The following GPC6 variants were observed in gnomAD, a reference collection of about 807,000 sequenced individuals.
GPC6 encodes glypican 6.
Under a neutral mutation model 55.2 loss-of-function variants are expected in GPC6, and 14 were observed. The ratio of observed to expected loss-of-function variants is 0.25; its 90% CI spans 0.17 to 0.40. GPC6 has a LOEUF of 0.40. Ranked by LOEUF, GPC6 falls within the 10% of genes least tolerant of loss-of-function variation. GPC6 has a pLI of 1.00. For missense variants in GPC6, 641 were observed against 708.5 expected (o/e 0.90, Z 1.08); for synonymous variants, 278 against 259.6 (o/e 1.07, Z -0.68).
intron 1 of GPC6, among the ~76,000 whole-genome samples, chr13:93,529,184 C>CT (rs1175645831): frequency 6.6e-6 from 1 of 152,110 alleles, no homozygotes; most frequent in Non-Finnish European, 1.5e-5. Flanking sequence ...GTATTTTAAG[C>CT]TTGAACGCTG....
At position 93,816,436 on chromosome 13, in the gene GPC6, G is replaced by T. The variant is rs190562908; in HGVS notation, c.320-13718G>T. The stretch of plus-strand genomic sequence containing the variant: ...AGCATTAATTCACTATATTTAGAGT[G>T]AAGAGACCCAAATTCTATTCCATGC... On this transcript the variant is annotated intron_variant, in intron 2 of 8. Transcript: ENST00000377047. Among the ~76,000 whole-genome samples the T allele has an allele frequency of 1.2e-4, 18 of 151,814 alleles. No individual in the cohort carries two copies. The East Asian group carries it at 3.3e-3, about 28-fold the overall frequency.
At chr13:93,477,027 C>A (rs1165536478) in intron 1 of GPC6, among the ~76,000 whole-genome samples, 1 of 152,012 alleles carries the variant, frequency 6.6e-6, no homozygotes, top group South Asian at 2.1e-4. Flanking sequence ...TTTATAATAG[C>A]TATAAGAACC....
intron 3 of GPC6, among the ~76,000 whole-genome samples, chr13:93,927,063 C>T (rs560634909): frequency 9.2e-5 from 14 of 152,084 alleles, no homozygotes; most frequent in Non-Finnish European, 1.3e-4. Flanking sequence ...ATATTCTGTC[C>T]ACAGCCTGTT....
At chr13:94,115,135 G>A (rs1290797949) in intron 4 of GPC6, among the ~76,000 whole-genome samples, 1 of 152,128 alleles carries the variant, frequency 6.6e-6, no homozygotes, top group Non-Finnish European at 1.5e-5. Context: ...AGGAAACCAG[G>A]CCATAGGTTT....
rs531859965 is a variant in GPC6 at position 94,037,042 on chromosome 13, C to A, written c.877+9148C>A. Among the ~76,000 whole-genome samples the A allele has an allele frequency of 4.6e-5, 7 of 152,034 alleles. No individual in the cohort carries two copies. The South Asian group carries it at 1.4e-3, about 31-fold the overall frequency. On this transcript the variant is annotated intron_variant, in intron 4 of 8. Transcript: ENST00000377047. ...CATACATAGAAATGTATTCCATAGTCCAAAGCCTACTGTTATGACTCAACC... is the reference window on the plus strand; with the variant it reads ...CATACATAGAAATGTATTCCATAGTACAAAGCCTACTGTTATGACTCAACC...
chr13:93,789,579 C>CTATATATATATAATACTACA (rs1566536586), intron 2 of GPC6, among the ~76,000 whole-genome samples: 9 of 59,024 alleles, frequency 1.5e-4, no homozygotes, highest in African/African-American at 5.5e-4. Context: ...TATATAAATA[C>CTATATATATATAATACTACA]TATATATATA....
intron 1 of GPC6, among the ~76,000 whole-genome samples, chr13:93,382,860 G>A (rs534870389): frequency 1.3e-5 from 2 of 152,134 alleles, no homozygotes; most frequent in South Asian, 2.1e-4. Flanking sequence ...CTTCCCTAAA[G>A]CAATATTTTC....
Position 94,406,554 on chromosome 13 carries a change from CATTATT to C in GPC6, c.*3341_*3346del, listed in dbSNP as rs1881376461. 6.6e-6 allele frequency: 1 copy of C among 152,160 alleles called. No homozygotes were observed. The highest frequency in any genetic ancestry group is 1.5e-5 in the Non-Finnish European group (1 of 67,980). The allele number at this position is 152,160 out of a possible 1,614,324, so 9.4% of individuals were successfully genotyped here. ...ATACTATTTTGTCTACACTGAAAAA[CATTATT>C]ATTCATTGATAAGTAGTAATAATTA... On this transcript the variant is annotated 3_prime_UTR_variant, in exon 9 of 9. Transcript: ENST00000377047.
rs968221822 is a variant in GPC6, at chr13:93,561,404, G to GAGATATATATATATATATATATATAT, written c.319+15984_319+15985insGATATATATATATATATATATATATA. 8.6e-4 allele frequency among the ~76,000 whole-genome samples: 90 copies of GAGATATATATATATATATATATATAT among 104,664 alleles called. 2 individuals carry two copies. Among genetic ancestry groups the GAGATATATATATATATATATATATAT allele is most frequent in the African/African-American group, 3.5e-3 (85 of 24,096 alleles). 68.7% of individuals were successfully genotyped at this position (104,664 alleles called of 152,430 possible). The stretch of plus-strand genomic sequence containing the variant: ...AATAATTGCATACTATATCCCTATC[G>GAGATATATATATATATATATATATAT]ATATATATATATATATATATATTTG... On this transcript the variant is annotated intron_variant, in intron 2 of 8. Coordinates refer to ENST00000377047, the MANE Select transcript of GPC6 (RefSeq NM_005708.5).
At chr13:93,455,684 T>C (rs1878423661) in intron 1 of GPC6, among the ~76,000 whole-genome samples, 1 of 152,092 alleles carries the variant, frequency 6.6e-6, no homozygotes, top group Non-Finnish European at 1.5e-5. Context: ...AAAGGAATTA[T>C]TATGGTTGAA....
intron 3 of GPC6, among the ~76,000 whole-genome samples, chr13:93,905,775 C>T (rs1271531666): frequency 6.6e-6 from 1 of 152,124 alleles, no homozygotes; most frequent in East Asian, 1.9e-4. Flanking sequence ...GCTAGGAGTT[C>T]TGAATTTCAT....
At chr13:93,470,066 G>C (rs1338221199) in intron 1 of GPC6, among the ~76,000 whole-genome samples, 1 of 152,016 alleles carries the variant, frequency 6.6e-6, no homozygotes, top group Non-Finnish European at 1.5e-5. Flanking sequence ...CTCCAACTGT[G>C]TTCCTTTGCC....
chr13:93,581,801 A>T (rs1876948864), intron 2 of GPC6, among the ~76,000 whole-genome samples: 1 of 152,192 alleles, frequency 6.6e-6, no homozygotes, highest in African/African-American at 2.4e-5. Flanking sequence ...TGTATTCCTA[A>T]CTTCTCCTTT....
At chr13:94,045,897 T>C (rs1159726565) in intron 4 of GPC6, among the ~76,000 whole-genome samples, 2 of 152,034 alleles carry the variant, frequency 1.3e-5, no homozygotes, top group African/African-American at 4.8e-5. Flanking sequence ...TAAATTCTTT[T>C]CATGCATTAT....
At chr13:93,988,673 C>G (rs977565735) in intron 3 of GPC6, among the ~76,000 whole-genome samples, 4 of 152,126 alleles carry the variant, frequency 2.6e-5, no homozygotes, top group South Asian at 2.1e-4. Flanking sequence ...TAATCCCACT[C>G]ATGAGATCCC....
At chr13:93,297,194 G>T (rs1208717728) in intron 1 of GPC6, among the ~76,000 whole-genome samples, 2 of 152,148 alleles carry the variant, frequency 1.3e-5, no homozygotes, top group African/African-American at 4.8e-5. Context: ...ACAGCTAAAA[G>T]AACCTAAGTA....
At chr13:93,701,692 A>C (rs955571280) in intron 2 of GPC6, among the ~76,000 whole-genome samples, 12 of 152,038 alleles carry the variant, frequency 7.9e-5, no homozygotes, top group Non-Finnish European at 1.6e-4. Flanking sequence ...TTCATGTAAT[A>C]TTCCAAATCC....
chr13:93,226,037 G>A (rs1256696736), upstream of GPC6, among the ~76,000 whole-genome samples: 5 of 152,234 alleles, frequency 3.3e-5, no homozygotes, highest in East Asian at 9.7e-4. Flanking sequence ...CTTTTATCCC[G>A]TTCACAGAAC....
intron 3 of GPC6, among the ~76,000 whole-genome samples, chr13:93,971,066 A>G (rs768180910): frequency 2.0e-5 from 3 of 152,244 alleles, no homozygotes; most frequent in African/African-American, 7.2e-5. Flanking sequence ...TGCTATTTCA[A>G]TAATAAATTA....
Sources: allele counts gnomAD v4.1 joint callset (sites outside exome capture counted in the v4.1 genomes callset), GRCh38; gene constraint gnomAD v4.1.1; transcripts MANE v1.5; gene names NCBI Gene and HGNC (gene_info 2026-07-23, HGNC 2026-07-21).